The following NLGN4X variants were observed in gnomAD, a reference collection of about 807,000 sequenced individuals.
NLGN4X encodes the protein neuroligin-4, X-linked.
A neutral mutation model predicts 40.3 loss-of-function variants in NLGN4X; 3 were observed. The observed-to-expected ratio is 0.07, with a 90% CI of 0.03 to 0.19. NLGN4X has a LOEUF of 0.19. NLGN4X is among the 10% of genes least tolerant of loss of function. The pLI, the probability that NLGN4X is intolerant of heterozygous loss-of-function variation, is 1.00. For synonymous variants in NLGN4X, 270 were observed against 306.8 expected (o/e 0.88, Z 1.25); for missense variants, 382 against 708.3 (o/e 0.54, Z 5.23).
At chrX:6,157,011 C>A (rs997670465) in intron 1 of NLGN4X, among the ~76,000 whole-genome samples, 2 of 110,797 alleles carry the variant, frequency 1.8e-5, no homozygotes, top group African/African-American at 6.6e-5. Flanking sequence ...TGTGGCCAGG[C>A]ATGGTGGCAC....
intron 3 of NLGN4X, among the ~76,000 whole-genome samples, chrX:6,008,027 T>C (rs138869453): frequency 2.8e-3 from 313 of 112,099 alleles, no homozygotes; most frequent in African/African-American, 9.8e-3. Context: ...TCAGGACCTT[T>C]CTACACTTTT....
intron 2 of NLGN4X, among the ~76,000 whole-genome samples, chrX:6,070,687 G>A (rs2038038861): frequency 8.9e-6 from 1 of 112,187 alleles, no homozygotes; most frequent in South Asian, 3.7e-4. Flanking sequence ...CCGAGACTGG[G>A]TAATTTAAGA....
chrX:6,175,655 G>GAAAAAAAAAAAAA (rs3045369), intron 1 of NLGN4X, among the ~76,000 whole-genome samples: 9 of 60,989 alleles, frequency 1.5e-4, no homozygotes, highest in African/African-American at 5.3e-4. Context: ...ATCTATTACA[G>GAAAAAAAAAAAAA]AAAAAAAAAA....
At chrX:6,119,120 A>T (rs1424513054) in intron 2 of NLGN4X, among the ~76,000 whole-genome samples, 1 of 112,170 alleles carries the variant, frequency 8.9e-6, no homozygotes, top group Non-Finnish European at 1.9e-5. Flanking sequence ...TAAATTCCAT[A>T]AAGAAACACT....
intron 2 of NLGN4X, among the ~76,000 whole-genome samples, chrX:6,082,372 C>CAAA (rs771877596): frequency 2.1e-4 from 21 of 98,645 alleles, no homozygotes; most frequent in Admixed American, 3.4e-4. Context: ...TGTGTCTCCA[C>CAAA]AAAAAAAAAA....
intron 3 of NLGN4X, among the ~76,000 whole-genome samples, chrX:5,966,146 T>C (rs1010721499): frequency 1.8e-5 from 2 of 111,880 alleles, no homozygotes; most frequent in African/African-American, 3.2e-5. Flanking sequence ...TTAAAAACCA[T>C]AGCATGTGTT....
At chrX:5,900,300 T>C (rs1196364203) in intron 5 of NLGN4X, among the ~76,000 whole-genome samples, 1 of 111,564 alleles carries the variant, frequency 9.0e-6, no homozygotes, top group African/African-American at 3.3e-5. Flanking sequence ...GATGCTCTTA[T>C]ATGAAGACGG....
intron 3 of NLGN4X, among the ~76,000 whole-genome samples, chrX:5,995,920 C>T (rs1317957744): frequency 3.6e-5 from 4 of 111,876 alleles, no homozygotes; most frequent in Admixed American, 1.9e-4. Context: ...ACTGTATACA[C>T]GTACGTATCC....
At chrX:6,130,936 T>C (rs2039666236) in intron 2 of NLGN4X, among the ~76,000 whole-genome samples, 2 of 112,170 alleles carry the variant, frequency 1.8e-5, no homozygotes, top group Non-Finnish European at 3.8e-5. Flanking sequence ...TTTTTGATGC[T>C]TTCTTCTCAC....
intron 3 of NLGN4X, among the ~76,000 whole-genome samples, chrX:5,989,559 C>T (rs181332776): frequency 1.0e-3 from 117 of 112,528 alleles, no homozygotes; most frequent in Non-Finnish European, 1.6e-3. Context: ...TGTAAGAATA[C>T]GCATTGCTAA....
chrX:6,212,425 T>C lies in NLGN4X; in HGVS notation c.-306+16116A>G, dbSNP rs1212885410. 2.7e-4 allele frequency among the ~76,000 whole-genome samples: 30 copies of C among 111,319 alleles called. 2 individuals carry two copies. Among genetic ancestry groups the C allele is most frequent in the Non-Finnish European group, 1.9e-5 (1 of 53,084 alleles). ...ACACATCATAAGGTTAAGAGGATGATATCACCTTTTGAAATACTGATGGTT... is the reference window on the plus strand; with the variant it reads ...ACACATCATAAGGTTAAGAGGATGACATCACCTTTTGAAATACTGATGGTT... On this transcript the variant is annotated intron_variant, in intron 1 of 5. Transcript: ENST00000381095.
intron 2 of NLGN4X, among the ~76,000 whole-genome samples, chrX:6,122,993 G>T (rs2039458147): frequency 9.2e-6 from 1 of 108,489 alleles, no homozygotes; most frequent in Admixed American, 1.0e-4. Flanking sequence ...GATGGAAATA[G>T]AAGTGTTACC....
At chrX:6,211,106 C>T (rs1268996343) in intron 1 of NLGN4X, among the ~76,000 whole-genome samples, 1 of 112,251 alleles carries the variant, frequency 8.9e-6, no homozygotes, top group Admixed American at 9.5e-5. Context: ...ATCCTTTATT[C>T]TATCTTCTCT....
intron 2 of NLGN4X, chrX:6,061,556 C>A (rs946892825): frequency 8.9e-6 from 1 of 111,898 alleles, no homozygotes; most frequent in African/African-American, 3.2e-5. Context: ...TTACCCCCAA[C>A]ACTCCACCAA....
intron 1 of NLGN4X, among the ~76,000 whole-genome samples, chrX:6,173,077 G>A (rs1226741292): frequency 8.9e-6 from 1 of 111,885 alleles, no homozygotes; most frequent in East Asian, 2.8e-4. Context: ...CTGGGCTCTC[G>A]CCCCCACTCC....
intron 5 of NLGN4X, among the ~76,000 whole-genome samples, chrX:5,897,291 A>G (rs2146701101): frequency 8.9e-6 from 1 of 111,928 alleles, no homozygotes; most frequent in East Asian, 2.8e-4. Flanking sequence ...CTTTCCACAC[A>G]GAGCTCAAAA....
rs893204611 is a variant in NLGN4X at position 5,909,262 on chromosome X, T to C, written c.626-23A>G. ...ACCCTACAAAAGAACACAAGATATT[T>C]TTGGTGGCCAAATAGAAAAAGTGCA... On this transcript the variant is annotated intron_variant, in intron 3 of 5. Transcript: ENST00000381095. 4 of 1,205,573 alleles carry C rather than the reference T, an allele frequency of 3.3e-6. No individual in the cohort carries two copies. The African/African-American group carries it at 7.0e-5, about 21-fold the overall frequency.
intron 3 of NLGN4X, among the ~76,000 whole-genome samples, chrX:5,949,478 ATGAC>A (rs763036126): frequency 9.0e-6 from 1 of 111,499 alleles, no homozygotes; most frequent in Non-Finnish European, 1.9e-5. Context: ...GTACAAATAA[ATGAC>A]TGACCCTCAA....
chrX:6,018,657 C>A (rs2036455978), intron 3 of NLGN4X, among the ~76,000 whole-genome samples: 1 of 111,914 alleles, frequency 8.9e-6, no homozygotes, highest in African/African-American at 3.3e-5. Flanking sequence ...GTTTATCATA[C>A]CTGCCTGTTT....
Sources: allele counts gnomAD v4.1 joint callset (sites outside exome capture counted in the v4.1 genomes callset), GRCh38; gene constraint gnomAD v4.1.1; transcripts MANE v1.5; gene names NCBI Gene and HGNC (gene_info 2026-07-23, HGNC 2026-07-21).